The following CFAP300 variants were observed in gnomAD, a reference collection of about 807,000 sequenced individuals.
CFAP300 encodes the protein cilia and flagella associated protein 300, also known as cilia- and flagella-associated protein 300.
Under a neutral mutation model 33.0 loss-of-function variants are expected in CFAP300, and 32 were observed. The observed-to-expected ratio is 0.97, with a 90% CI of 0.73 to 1.30. The LOEUF (loss-of-function observed/expected upper bound fraction) is 1.30. Among genes scored for constraint, CFAP300 ranks in the 50% most tolerant of loss-of-function variants. CFAP300 has a pLI of 0.00. For missense variants in CFAP300, 356 were observed against 318.1 expected (o/e 1.12, Z -0.90); for synonymous variants, 102 against 106.8 (o/e 0.95, Z 0.28).
chr11:102,064,025 C>T (rs1250049821), intron 3 of CFAP300, among the ~76,000 whole-genome samples: 1 of 152,160 alleles, frequency 6.6e-6, no homozygotes, highest in African/African-American at 2.4e-5. Context: ...AAGGCCCCAT[C>T]TCCAACTACC....
In CFAP300 at chr11:102,082,730, G is replaced by A. The variant is rs539078288; in HGVS notation, c.676-341G>A. Among the ~76,000 whole-genome samples, 554 of 152,252 alleles carry A rather than the reference G, an allele frequency of 3.6e-3. 2 individuals are homozygous for A. Among genetic ancestry groups the A allele is most frequent in the Non-Finnish European group, 4.3e-3 (290 of 68,010 alleles). ...TAATTTAGGATTGGCCGGGTGCTGT[G>A]TCTCAAGCCTGTAATCCCAGCCTTT... On this transcript the variant is annotated intron_variant, in intron 6 of 6. Coordinates refer to ENST00000434758, the MANE Select transcript of CFAP300 (RefSeq NM_032930.3).
intron 3 of CFAP300, among the ~76,000 whole-genome samples, chr11:102,059,769 T>G (rs374114808): frequency 8.7e-4 from 132 of 151,450 alleles, no homozygotes; most frequent in African/African-American, 2.8e-3. Flanking sequence ...GATGAGTACA[T>G]GGGTACATGG....
At chr11:102,070,926 ATT>A (rs1171272259) in intron 4 of CFAP300, among the ~76,000 whole-genome samples, 1 of 152,054 alleles carries the variant, frequency 6.6e-6, no homozygotes, top group Non-Finnish European at 1.5e-5. Context: ...TATGTTTTCA[ATT>A]TTTTAAGTGT....
chr11:102,060,346 G>T (rs1445398992), intron 3 of CFAP300, among the ~76,000 whole-genome samples: 1 of 151,086 alleles, frequency 6.6e-6, no homozygotes, highest in Non-Finnish European at 1.5e-5. Context: ...CAAACTCCTG[G>T]CCTCAAGTGA....
intron 3 of CFAP300, among the ~76,000 whole-genome samples, chr11:102,064,083 G>T (rs1366663436): frequency 6.6e-6 from 1 of 152,130 alleles, no homozygotes; most frequent in Non-Finnish European, 1.5e-5. Flanking sequence ...TGGCCATACA[G>T]TTCAGTCCAT....
intron 3 of CFAP300, among the ~76,000 whole-genome samples, chr11:102,063,010 A>G (rs1224007830): frequency 6.6e-6 from 1 of 152,252 alleles, no homozygotes; most frequent in Non-Finnish European, 1.5e-5. Flanking sequence ...AAGACCCCGA[A>G]GCAATTCAGA....
chr11:102,053,190 T>C (rs1413935595), intron 2 of CFAP300, among the ~76,000 whole-genome samples: 1 of 151,616 alleles, frequency 6.6e-6, no homozygotes, highest in Admixed American at 6.6e-5. Context: ...GATTGCGCCA[T>C]TGCACTCCAG....
At chr11:102,069,874 G>A (rs909094995) in intron 4 of CFAP300, among the ~76,000 whole-genome samples, 1 of 152,116 alleles carries the variant, frequency 6.6e-6, no homozygotes, top group Non-Finnish European at 1.5e-5. Context: ...GGCGGAGGTG[G>A]GAGGATTGCC....
chr11:102,065,952 G>T (rs1942218176), intron 3 of CFAP300, among the ~76,000 whole-genome samples: 1 of 149,872 alleles, frequency 6.7e-6, no homozygotes, highest in South Asian at 2.1e-4. Flanking sequence ...GTCCAGAAAT[G>T]GTGAGATTTT....
At chr11:102,069,614 C>A (rs1942279927) in intron 4 of CFAP300, among the ~76,000 whole-genome samples, 1 of 151,928 alleles carries the variant, frequency 6.6e-6, no homozygotes, top group African/African-American at 2.4e-5. Flanking sequence ...ACTAGCCTGG[C>A]CAACATGGTG....
intron 4 of CFAP300, among the ~76,000 whole-genome samples, chr11:102,070,673 G>T (rs11824945): frequency 2.0e-5 from 3 of 151,880 alleles, no homozygotes; most frequent in African/African-American, 4.8e-5. Flanking sequence ...TTTTGATGTA[G>T]GCATTTTTTG....
chr11:102,063,676 G>A (rs116142035), intron 3 of CFAP300, among the ~76,000 whole-genome samples: 146 of 152,210 alleles, frequency 9.6e-4, no homozygotes, highest in African/African-American at 3.4e-3. Flanking sequence ...AAAACTATCT[G>A]GCTGTGTTGG....
At chr11:102,070,323 A>T (rs1942294285) in intron 4 of CFAP300, among the ~76,000 whole-genome samples, 1 of 152,228 alleles carries the variant, frequency 6.6e-6, no homozygotes, top group African/African-American at 2.4e-5. Flanking sequence ...TGAGTTTTTT[A>T]AATACTTCTT....
chr11:102,068,021 A>G (rs758998271), intron 4 of CFAP300, among the ~76,000 whole-genome samples: 2 of 152,242 alleles, frequency 1.3e-5, no homozygotes, highest in Admixed American at 6.5e-5. Flanking sequence ...GTTCAAATCC[A>G]GTCTTTGTCA....
intron 6 of CFAP300, among the ~76,000 whole-genome samples, chr11:102,082,310 A>C (rs1329510976): frequency 3.9e-5 from 6 of 151,982 alleles, no homozygotes; most frequent in Non-Finnish European, 5.9e-5. Flanking sequence ...CAGGAAGCAA[A>C]AGTTGCAGTG....
chr11:102,081,202 T>C lies in CFAP300; in HGVS notation c.609-13T>C, dbSNP rs766705081. ...TATTATATGTTAAAAGCACCTTTTC[T>C]TCCTTTTTTTAGTGTTCGAAAGAAT... On this transcript the variant is annotated splice_polypyrimidine_tract_variant and intron_variant, in intron 5 of 6. Transcript: ENST00000434758. 6.3e-7 allele frequency: 1 copy of C among 1,593,386 alleles called. No homozygotes were observed. Among genetic ancestry groups the C allele is most frequent in the South Asian group, 1.1e-5 (1 of 87,776 alleles).
Position 102,071,325 on chromosome 11 carries a change from A to G in CFAP300, c.436-4548A>G, listed in dbSNP as rs368365990. On this transcript the variant is annotated intron_variant, in intron 4 of 6. Transcript: ENST00000434758. ...TTTTTACTGTTTTATTTACAGGTCAAGTGAGTTTGCTATGGGCAACATATA... is the reference window on the plus strand; with the variant it reads ...TTTTTACTGTTTTATTTACAGGTCAGGTGAGTTTGCTATGGGCAACATATA... Among the ~76,000 whole-genome samples the G allele has an allele frequency of 2.3e-3, 353 of 152,262 alleles. 1 individual carries two copies. The highest frequency in any genetic ancestry group is 7.7e-3 in the African/African-American group (321 of 41,576).
At chr11:102,080,633 C>T (rs1942460222) in intron 5 of CFAP300, among the ~76,000 whole-genome samples, 1 of 152,160 alleles carries the variant, frequency 6.6e-6, no homozygotes, top group Non-Finnish European at 1.5e-5. Context: ...CTCCCGACCT[C>T]AGGTGATCTG....
At chr11:102,081,490 G>A (rs917143619) in intron 6 of CFAP300, 21 of 577,760 alleles carry the variant, frequency 3.6e-5, no homozygotes, top group Non-Finnish European at 5.5e-5. Flanking sequence ...TCTGTCATCT[G>A]TATCTAATAA....
Sources: gnomAD v4.1 joint callset for allele counts (sites outside exome capture counted in the v4.1 genomes callset) on GRCh38, gnomAD v4.1.1 for gene constraint, MANE v1.5 for transcripts, NCBI Gene and HGNC (gene_info 2026-07-23, HGNC 2026-07-21) for gene names.